The following GLIS3 variants were observed in gnomAD, a reference collection of about 807,000 sequenced individuals.
GLIS3 encodes GLIS family zinc finger 3.
GLIS3 carries 53 observed loss-of-function variants against 78.6 expected under a neutral mutation model. That is an observed-to-expected ratio of 0.67 (90% CI 0.54 to 0.85). The LOEUF is 0.85. Ranked by LOEUF, GLIS3 falls within the 40% of genes least tolerant of loss-of-function variation. The pLI is 0.00. For missense variants in GLIS3, 1,703 were observed against 1,231.1 expected (o/e 1.38, Z -5.74); for synonymous variants, 684 against 509.9 (o/e 1.34, Z -4.60).
chr9:3,872,857 T>C (rs1296679832), intron 8 of GLIS3, among the ~76,000 whole-genome samples: 1 of 151,906 alleles, frequency 6.6e-6, no homozygotes, highest in Non-Finnish European at 1.5e-5. Context: ...TCTAAAAACA[T>C]ACCTCAAAGA....
chr9:4,111,089 A>C (rs916893864), intron 4 of GLIS3, among the ~76,000 whole-genome samples: 13 of 152,352 alleles, frequency 8.5e-5, no homozygotes, highest in Admixed American at 5.9e-4. Context: ...CACATTTTAG[A>C]ATCTATATAC....
chr9:3,829,585 TC>T, intron 9 of GLIS3, 93 bp from the exon 10 acceptor site: 1 of 1,346,840 alleles, frequency 7.4e-7, no homozygotes, highest in East Asian at 2.3e-5. Flanking sequence ...CAGCCTGGCT[TC>T]CTAAGACAAA....
intron 8 of GLIS3, among the ~76,000 whole-genome samples, chr9:3,875,379 G>A (rs1227621976): frequency 1.3e-5 from 2 of 152,124 alleles, no homozygotes; most frequent in African/African-American, 2.4e-5. Context: ...AGAACTTGAC[G>A]CTAACTGGGT....
intron 4 of GLIS3, among the ~76,000 whole-genome samples, chr9:4,003,451 T>C (rs1821279884): frequency 6.6e-6 from 1 of 152,016 alleles, no homozygotes; most frequent in African/African-American, 2.4e-5. Context: ...AACGACAAAT[T>C]GAAAAAGAAA....
chr9:4,315,898 T>C (rs1220198266), intron 2 of GLIS3, among the ~76,000 whole-genome samples: 1 of 152,152 alleles, frequency 6.6e-6, no homozygotes, highest in African/African-American at 2.4e-5. Context: ...AGAGCAGATA[T>C]CTCGTATTAC....
intron 4 of GLIS3, among the ~76,000 whole-genome samples, chr9:4,083,700 C>T (rs1828748227): frequency 6.6e-6 from 1 of 152,130 alleles, no homozygotes; most frequent in South Asian, 2.1e-4. Context: ...AGAAAAATAT[C>T]TCAGGTGTGT....
intron 2 of GLIS3, among the ~76,000 whole-genome samples, chr9:4,239,196 T>G (rs1375295978): frequency 6.9e-6 from 1 of 145,232 alleles, no homozygotes; most frequent in Non-Finnish European, 1.5e-5. Context: ...AGGGATAGCA[T>G]TAGGAGATAT....
At chr9:3,965,513 A>C (rs185822239) in intron 4 of GLIS3, among the ~76,000 whole-genome samples, 1 of 151,498 alleles carries the variant, frequency 6.6e-6, no homozygotes, top group Non-Finnish European at 1.5e-5. Context: ...TAATTCTATC[A>C]CTCTAATCCA....
intron 4 of GLIS3, among the ~76,000 whole-genome samples, chr9:3,992,745 T>C (rs1184468081): frequency 2.6e-5 from 4 of 152,208 alleles, no homozygotes; most frequent in Admixed American, 1.3e-4. Flanking sequence ...GGTATCCCTC[T>C]CTCAGTACTT....
chr9:4,008,516 T>C (rs1341221138), intron 4 of GLIS3, among the ~76,000 whole-genome samples: 1 of 152,176 alleles, frequency 6.6e-6, no homozygotes, highest in African/African-American at 2.4e-5. Flanking sequence ...CAGAATTCTG[T>C]GTAGGTGACA....
intron 8 of GLIS3, among the ~76,000 whole-genome samples, chr9:3,861,619 G>C (rs1399102509): frequency 6.6e-6 from 1 of 152,180 alleles, no homozygotes; most frequent in East Asian, 1.9e-4. Flanking sequence ...AAAGGAATGA[G>C]ATCATGTAAT....
intron 2 of GLIS3, among the ~76,000 whole-genome samples, chr9:4,265,696 T>C (rs539233511): frequency 2.0e-5 from 3 of 152,324 alleles, no homozygotes; most frequent in Admixed American, 6.5e-5. Context: ...TGCAGAAGCA[T>C]GCACACAGAG....
At chr9:4,372,824 C>T in the GLIS3 span, among the ~76,000 whole-genome samples, 1 of 152,146 alleles carries the variant, frequency 6.6e-6, no homozygotes, top group African/African-American at 2.4e-5. Context: ...ATTTCACCTA[C>T]GTTCTCACCT....
intron 4 of GLIS3, chr9:3,975,327 T>G (rs1818689802): frequency 6.6e-6 from 1 of 152,126 alleles, no homozygotes; most frequent in African/African-American, 2.4e-5. Flanking sequence ...TGAGATTTGC[T>G]TTGTGCTTAT....
intron 8 of GLIS3, among the ~76,000 whole-genome samples, chr9:3,861,302 A>G (rs1258018338): frequency 6.6e-6 from 1 of 152,170 alleles, no homozygotes; most frequent in African/African-American, 2.4e-5. Flanking sequence ...CATTTTTTAT[A>G]TTATTGGAGG....
In GLIS3 at chr9:3,832,886, C is replaced by T. The variant is rs148853980; in HGVS notation, c.2474-3394G>A. Reference sequence around the variant, plus strand: ...TTCACAAATAGGGACATTAATCATTCGGGGACAATGATAGAGACTTTCACT... The same window carrying T: ...TTCACAAATAGGGACATTAATCATTTGGGGACAATGATAGAGACTTTCACT... On this transcript the variant is annotated intron_variant, in intron 9 of 10. Transcript: ENST00000381971. Among the ~76,000 whole-genome samples, 1,203 of 152,228 alleles carry T rather than the reference C, an allele frequency of 7.9e-3. 55 individuals carry two copies. The highest frequency in any genetic ancestry group is 0.07 in the Admixed American group (1,066 of 15,282).
At chr9:4,060,742 T>C (rs1210895308) in intron 4 of GLIS3, among the ~76,000 whole-genome samples, 1 of 152,224 alleles carries the variant, frequency 6.6e-6, no homozygotes, top group Non-Finnish European at 1.5e-5. Flanking sequence ...AACTGTAAGA[T>C]AGAAGTTCCT....
intron 4 of GLIS3, among the ~76,000 whole-genome samples, chr9:4,052,377 C>T (rs1233476679): frequency 2.0e-5 from 3 of 152,106 alleles, no homozygotes; most frequent in Non-Finnish European, 2.9e-5. Flanking sequence ...AAAGTACATA[C>T]TTCATGATAT....
chr9:3,988,688 C>T (rs929377615), intron 4 of GLIS3, among the ~76,000 whole-genome samples: 3 of 151,858 alleles, frequency 2.0e-5, no homozygotes, highest in Non-Finnish European at 2.9e-5. Context: ...GTGCTGGAGC[C>T]ATCAAGCACG....
Sources: allele counts gnomAD v4.1 joint callset (sites outside exome capture counted in the v4.1 genomes callset), GRCh38; gene constraint gnomAD v4.1.1; transcripts MANE v1.5; gene names NCBI Gene and HGNC (gene_info 2026-07-23, HGNC 2026-07-21).